PKHD1L1: variants seen among roughly 807,000 people sequenced by gnomAD.
PKHD1L1 encodes fibrocystin-L.
In PKHD1L1, 434 loss-of-function variants were observed where a neutral mutation model predicts 462.9. The observed-to-expected ratio is 0.94, with a 90% CI of 0.87 to 1.02. The LOEUF (loss-of-function observed/expected upper bound fraction) is 1.02, where lower values mean the gene tolerates loss of function less well. PKHD1L1 is among the 50% of genes least tolerant of loss of function. PKHD1L1 has a pLI of 0.00. For synonymous variants in PKHD1L1, 1,781 were observed against 1,750.0 expected, an observed-to-expected ratio of 1.02 and a Z score of -0.44; for missense variants, 5,202 against 5,096.1, an observed-to-expected ratio of 1.02 and a Z score of -0.63.
intron 30 of PKHD1L1, 129 bp downstream of exon 30, chr8:109,436,588 C>T: frequency 7.3e-7 from 1 of 1,377,796 alleles, no homozygotes; most frequent in Non-Finnish European, 9.6e-7. Flanking sequence ...TTCTATTATG[C>T]TCCTTAAAAC....
Position 109,510,910 on chromosome 8 carries a change from G to A in PKHD1L1, c.11529G>A (p.Met3843Ile). 1 of 1,612,940 alleles carries A rather than the reference G, an allele frequency of 6.2e-7. No individual in the cohort carries two copies. Among genetic ancestry groups the A allele is most frequent in the Non-Finnish European group, 8.5e-7 (1 of 1,179,294 alleles). ...TGTSPQNLRL[M>I]LLNVDHNKAV... ...CCAGTCCTCAGAATCTTCGACTGAT[G>A]TTGCTTAATGTTGATCATAACAAGG... Residue 3843 changes from methionine to isoleucine, a missense_variant, in exon 71 of 78, where the codon ATG becomes ATA. This residue lies in a region of PKHD1L1 where 698 missense variants were observed against 736.3 expected (regional missense o/e 0.95). Coordinates refer to ENST00000378402, the MANE Select transcript of PKHD1L1 (RefSeq NM_177531.6).
intron 37 of PKHD1L1, 43 bp from the exon 38 acceptor site, chr8:109,444,618 G>T (rs879362217): frequency 2.6e-6 from 4 of 1,542,550 alleles, no homozygotes; most frequent in East Asian, 4.5e-5. Context: ...TATACTGGAG[G>T]TATGTATTGA....
At chr8:109,487,682 T>G (rs536421236) in intron 59 of PKHD1L1, among the ~76,000 whole-genome samples, 1 of 151,920 alleles carries the variant, frequency 6.6e-6, no homozygotes, top group East Asian at 1.9e-4. Context: ...TTCCTATGCC[T>G]AGGTGATTTA....
intron 41 of PKHD1L1, 121 bp from the exon 42 acceptor site, chr8:109,452,003 G>A (rs1816546673): frequency 1.3e-6 from 1 of 782,680 alleles, no homozygotes; most frequent in South Asian, 2.4e-5. Context: ...TCTACACTTT[G>A]GTGGCTGATA....
intron 50 of PKHD1L1, among the ~76,000 whole-genome samples, chr8:109,467,974 A>G (rs1817537960): frequency 6.6e-6 from 1 of 152,182 alleles, no homozygotes; most frequent in Non-Finnish European, 1.5e-5. Context: ...GTCAATATTT[A>G]CCATTTCTCA....
At position 109,425,214 on chromosome 8, in the gene PKHD1L1, T is replaced by G. The variant is rs16879534; in HGVS notation, c.2827T>G (p.Tyr943Asp). The G allele has an allele frequency of 6.2e-7, 1 of 1,603,146 alleles. No individual in the cohort carries two copies. Among genetic ancestry groups the G allele is most frequent in the Non-Finnish European group, 8.5e-7 (1 of 1,176,460 alleles). Reference protein sequence around the residue: ...PLSGSFDIQAYGHILKGLPAA... With the variant: ...PLSGSFDIQADGHILKGLPAA... Reference sequence around the variant, plus strand: ...AAGTGGCAGCTTTGACATTCAAGCTTATGGACATATTCTTAAAGGTATATG... The same window carrying G: ...AAGTGGCAGCTTTGACATTCAAGCTGATGGACATATTCTTAAAGGTATATG... Residue 943 changes from tyrosine (Y) to aspartate (D), a missense_variant, in exon 24 of 78, where the codon TAT (tyrosine) becomes GAT (aspartate). Coordinates refer to ENST00000378402, the MANE Select transcript of PKHD1L1 (RefSeq NM_177531.6).
chr8:109,483,496 C>T (rs1693347052), intron 57 of PKHD1L1, among the ~76,000 whole-genome samples: 1 of 146,724 alleles, frequency 6.8e-6, no homozygotes, highest in African/African-American at 2.5e-5. Flanking sequence ...AATGTATGTA[C>T]ATAATATAAA....
At chr8:109,399,098 C>T (rs981418235) in intron 12 of PKHD1L1, among the ~76,000 whole-genome samples, 2 of 151,924 alleles carry the variant, frequency 1.3e-5, no homozygotes, top group Admixed American at 6.6e-5. Flanking sequence ...ATATCTTGTT[C>T]GCACCGTGAA....
chr8:109,518,707 T>C (rs993416899), intron 73 of PKHD1L1, among the ~76,000 whole-genome samples, 199 bp downstream of exon 73: 4 of 152,264 alleles, frequency 2.6e-5, no homozygotes, highest in South Asian at 2.1e-4. Flanking sequence ...GGAATTTGAA[T>C]CTCTGTTTTG....
rs866894729 is a variant in PKHD1L1 at position 109,373,594 on chromosome 8, G to T, written c.164-7776G>T. Reference sequence around the variant, plus strand: ...CTTCTCTAGTTCTTTTAATTGTAATGTTAGGGTGTCAATTTTAGATCTTTC... The same window carrying T: ...CTTCTCTAGTTCTTTTAATTGTAATTTTAGGGTGTCAATTTTAGATCTTTC... On this transcript the variant is annotated intron_variant, in intron 2 of 77. Transcript: ENST00000378402. Among the ~76,000 whole-genome samples, 34 of 152,280 alleles carry T rather than the reference G, an allele frequency of 2.2e-4. 1 individual carries two copies. The South Asian group carries it at 3.5e-3, about 16-fold the overall frequency.
At chr8:109,378,762 TG>T (rs1397345851) in intron 2 of PKHD1L1, among the ~76,000 whole-genome samples, 23 of 152,328 alleles carry the variant, frequency 1.5e-4, no homozygotes, top group African/African-American at 4.1e-4. Flanking sequence ...AGAATGTACA[TG>T]GGCTTCTGGG....
At chr8:109,441,549 G>A (rs1815795892) in intron 34 of PKHD1L1, among the ~76,000 whole-genome samples, 170 bp downstream of exon 34, 1 of 152,150 alleles carries the variant, frequency 6.6e-6, no homozygotes, top group Non-Finnish European at 1.5e-5. Context: ...GAGCAAATTA[G>A]TGGTAGACTT....
In PKHD1L1 at chr8:109,472,125, G is replaced by A. The variant is rs185295701; in HGVS notation, c.8606-2993G>A. 1.8e-3 allele frequency among the ~76,000 whole-genome samples: 280 copies of A among 152,082 alleles called. 1 individual carries two copies. The highest frequency in any genetic ancestry group is 6.5e-3 in the African/African-American group (269 of 41,512). ...TAATGTTAGACTTGTGCGCATGGAA[G>A]TAATTAAGGTACATCATATTGTAGT... On this transcript the variant is annotated intron_variant, in intron 50 of 77. Coordinates refer to ENST00000378402, the MANE Select transcript of PKHD1L1 (RefSeq NM_177531.6).
At chr8:109,373,005 T>A in intron 2 of PKHD1L1, among the ~76,000 whole-genome samples, 1 of 149,494 alleles carries the variant, frequency 6.7e-6, no homozygotes, top group African/African-American at 2.6e-5. Context: ...GGTATCAGGA[T>A]GATGCTGGCC....
Position 109,488,774 on chromosome 8 carries a change from T to C in PKHD1L1, c.9881-1178T>C, listed in dbSNP as rs541142324. Among the ~76,000 whole-genome samples the C allele has an allele frequency of 2.6e-5, 4 of 152,144 alleles. No individual in the cohort carries two copies. In the East Asian group the frequency reaches 5.8e-4, roughly 22 times the overall value. ...CTGCTGCTGCTGATAATGATGGTGA[T>C]GGTAATGACGAACATGACACAAGAT... On this transcript the variant is annotated intron_variant, in intron 59 of 77. Transcript: ENST00000378402.
chr8:109,484,231 G>C (rs944395327), intron 57 of PKHD1L1, among the ~76,000 whole-genome samples: 5 of 151,818 alleles, frequency 3.3e-5, no homozygotes, highest in African/African-American at 1.2e-4. Flanking sequence ...TTTTTGAAGA[G>C]AGTAATTAAG....
chr8:109,477,541 T>A (rs1403375789), intron 53 of PKHD1L1, 145 bp downstream of exon 53: 7 of 753,846 alleles, frequency 9.3e-6, no homozygotes, highest in Non-Finnish European at 1.3e-5. Flanking sequence ...CTGCTTTGCT[T>A]GAGCCTTACA....
chr8:109,383,222 A>G (rs1396917665), intron 4 of PKHD1L1, among the ~76,000 whole-genome samples: 3 of 95,112 alleles, frequency 3.2e-5, no homozygotes, highest in African/African-American at 8.0e-5. Context: ...ATATAATTAT[A>G]TATTATATAT....
intron 32 of PKHD1L1, among the ~76,000 whole-genome samples, chr8:109,440,481 T>G (rs2130736407): frequency 6.6e-6 from 1 of 152,254 alleles, no homozygotes; most frequent in Middle Eastern, 3.4e-3. Flanking sequence ...CAAATTCTTC[T>G]GCCATTAGAA....
Sources: gnomAD v4.1 joint callset for allele counts (sites outside exome capture counted in the v4.1 genomes callset) on GRCh38, gnomAD v4.1.1 for gene constraint, gnomAD v4.1.1 regional missense constraint, MANE v1.5 for transcripts, NCBI Gene and HGNC (gene_info 2026-07-23, HGNC 2026-07-21) for gene names.